SH3PXD2B: variants seen among roughly 807,000 people sequenced by gnomAD.
SH3PXD2B encodes SH3 and PX domains 2B.
In SH3PXD2B, 37 loss-of-function variants were observed where a neutral mutation model predicts 73.1. The observed-to-expected ratio is 0.51, with a 90% CI of 0.39 to 0.67. The LOEUF (loss-of-function observed/expected upper bound fraction) is 0.67, where lower values mean the gene tolerates loss of function less well. Among genes scored for constraint, SH3PXD2B ranks in the 30% least tolerant of loss-of-function variants. The probability of loss-of-function intolerance (pLI) is 0.00; values close to 1 mark genes in which losing one functional copy is unlikely to be tolerated. For missense variants in SH3PXD2B, 1,053 were observed against 1,197.8 expected, an observed-to-expected ratio of 0.88 and a Z score of 1.78; for synonymous variants, 457 against 480.5, an observed-to-expected ratio of 0.95 and a Z score of 0.64.
chr5:172,418,507 T>G (rs1237945697), intron 2 of SH3PXD2B, among the ~76,000 whole-genome samples: 1 of 152,120 alleles, frequency 6.6e-6, no homozygotes, highest in East Asian at 1.9e-4. Context: ...CCAAGTTACT[T>G]CTGAAAATAC....
intron 4 of SH3PXD2B, among the ~76,000 whole-genome samples, chr5:172,386,617 A>ATTTGT (rs796424182): frequency 1.7e-4 from 26 of 151,292 alleles, no homozygotes; most frequent in African/African-American, 5.3e-4. Context: ...CATGATACCC[A>ATTTGT]TTTGTTTTGT....
intron 6 of SH3PXD2B, 38 bp from the exon 7 acceptor site, chr5:172,362,907 T>G (rs199525814): frequency 6.2e-7 from 1 of 1,613,390 alleles, no homozygotes; most frequent in South Asian, 1.1e-5. Context: ...TGGCCACCAC[T>G]CATGCATGAA....
chr5:172,380,661 T>A (rs1757923463), intron 5 of SH3PXD2B, among the ~76,000 whole-genome samples: 1 of 152,238 alleles, frequency 6.6e-6, no homozygotes, highest in Non-Finnish European at 1.5e-5. Context: ...TTATTCTGTA[T>A]CTTTATGATT....
chr5:172,329,747 C>T (rs920420791), downstream of SH3PXD2B, among the ~76,000 whole-genome samples: 3 of 152,092 alleles, frequency 2.0e-5, no homozygotes, highest in Middle Eastern at 3.4e-3. Flanking sequence ...CTGTGTTAGC[C>T]AGGATGGTCT....
chr5:172,343,111 T>G (rs1357903275), intron 12 of SH3PXD2B, among the ~76,000 whole-genome samples: 1 of 152,156 alleles, frequency 6.6e-6, no homozygotes, highest in African/African-American at 2.4e-5. Flanking sequence ...TAAATTAGAG[T>G]GGAGGTCACT....
rs576190092 is a variant in SH3PXD2B at position 172,383,698 on chromosome 5, C to T, written c.310-1571G>A. On this transcript the variant is annotated intron_variant, in intron 4 of 12. Transcript: ENST00000311601. ...AGGTGATTCTGCCAGCCAAGCTGCC[C>T]AAGCAGTGCGTGCTCTGCATGAGGC... Among the ~76,000 whole-genome samples, 8 of 152,268 alleles carry T rather than the reference C, an allele frequency of 5.3e-5. No individual in the cohort carries two copies. In the South Asian group the frequency reaches 1.7e-3, roughly 32 times the overall value.
chr5:172,423,406 G>A (rs2113466376), intron 1 of SH3PXD2B, among the ~76,000 whole-genome samples: 1 of 152,310 alleles, frequency 6.6e-6, no homozygotes, highest in African/African-American at 2.4e-5. Context: ...GCTGTTAGAA[G>A]CCCTGGGGTT....
Position 172,350,898 on chromosome 5 carries a change from G to T in SH3PXD2B, c.786-309C>A, listed in dbSNP as rs144147623. On this transcript the variant is annotated intron_variant, in intron 9 of 12. Coordinates refer to ENST00000311601, the MANE Select transcript of SH3PXD2B (RefSeq NM_001017995.3). ...TGTGCTTTGCTGCCTCTTCCCAGCA[G>T]CCCCAGCTCTGGGGCCAAAGCCTGG... Among the ~76,000 whole-genome samples the T allele has an allele frequency of 6.5e-3, 984 of 152,302 alleles. 7 individuals carry two copies. Among genetic ancestry groups the T allele is most frequent in the Middle Eastern group, 0.014 (4 of 294 alleles).
chr5:172,397,224 C>T (rs1375550718), intron 3 of SH3PXD2B, among the ~76,000 whole-genome samples: 3 of 152,188 alleles, frequency 2.0e-5, no homozygotes, highest in Non-Finnish European at 4.4e-5. Context: ...TCCTGTAGCG[C>T]TCCCAGTCCT....
chr5:172,331,522 T>C (rs969636499), downstream of SH3PXD2B, among the ~76,000 whole-genome samples: 7 of 152,148 alleles, frequency 4.6e-5, no homozygotes, highest in South Asian at 6.2e-4. Context: ...AGAGAAGGAA[T>C]GGACATTGAA....
chr5:172,342,913 C>T (rs1285381298), intron 12 of SH3PXD2B, among the ~76,000 whole-genome samples: 2 of 152,204 alleles, frequency 1.3e-5, no homozygotes, highest in African/African-American at 4.8e-5. Flanking sequence ...GGCTCCTGGG[C>T]CTGCAGTCCT....
intron 7 of SH3PXD2B, among the ~76,000 whole-genome samples, 158 bp from the exon 8 acceptor site, chr5:172,359,035 A>C (rs1757343329): frequency 6.6e-6 from 1 of 152,196 alleles, no homozygotes; most frequent in Non-Finnish European, 1.5e-5. Context: ...GTTACCTGCT[A>C]ACTGCTAAAA....
rs1410861721 is a variant in SH3PXD2B, at chr5:172,339,657, G to A, written c.1448C>T (p.Pro483Leu). The A allele has an allele frequency of 1.2e-6, 2 of 1,614,110 alleles. No homozygotes were observed. Among genetic ancestry groups the A allele is most frequent in the African/African-American group, 2.7e-5 (2 of 74,942 alleles). Reference sequence around the variant, plus strand: ...ACTGCCCTTCCAGTCTTTAGACCATGGCAACCCCGAGTCCATGACACCATG... The same window carrying A: ...ACTGCCCTTCCAGTCTTTAGACCATAGCAACCCCGAGTCCATGACACCATG... The part of the protein sequence containing the change: ...APHGVMDSGL[P>L]WSKDWKGSKD... The change falls in exon 13 of 13, where the codon CCA (proline) becomes CTA (leucine). Residue 483 changes from proline (P) to leucine (L), a missense_variant. Physicochemically the swap from Pro to Leu is moderately conservative, Grantham distance 98. Coordinates refer to ENST00000311601, the MANE Select transcript of SH3PXD2B (RefSeq NM_001017995.3). The surrounding 1 kb of genome is among the most constrained non-coding windows in gnomAD (Gnocchi z 6.1).
intron 3 of SH3PXD2B, among the ~76,000 whole-genome samples, chr5:172,403,619 T>C (rs909184850): frequency 1.1e-4 from 16 of 152,230 alleles, no homozygotes; most frequent in African/African-American, 3.9e-4. Context: ...TTTTAAGAGC[T>C]TGGGAGAGGG....
chr5:172,443,571 T>G (rs1759595503), intron 1 of SH3PXD2B, among the ~76,000 whole-genome samples: 1 of 152,236 alleles, frequency 6.6e-6, no homozygotes, highest in African/African-American at 2.4e-5. Flanking sequence ...TGGTGACCTC[T>G]GTGAGGACAA....
intron 7 of SH3PXD2B, among the ~76,000 whole-genome samples, chr5:172,360,692 C>T (rs1285630099): frequency 6.6e-6 from 1 of 152,082 alleles, no homozygotes; most frequent in Non-Finnish European, 1.5e-5. Flanking sequence ...CTTGACCAGG[C>T]ATGGTGGCAT....
Position 172,368,133 on chromosome 5 carries a change from T to A in SH3PXD2B, c.428-5264A>T, listed in dbSNP as rs182005840. Among the ~76,000 whole-genome samples the A allele has an allele frequency of 2.3e-3, 346 of 152,180 alleles. 2 individuals carry two copies. The highest frequency in any genetic ancestry group is 0.021 in the Admixed American group (313 of 15,260). ...ACTGCAGGGAATTTTGCATTTGCTGTTCCCTCTGCTAGGGACAGTCTTCTC... is the reference window on the plus strand; with the variant it reads ...ACTGCAGGGAATTTTGCATTTGCTGATCCCTCTGCTAGGGACAGTCTTCTC... On this transcript the variant is annotated intron_variant, in intron 6 of 12. Transcript: ENST00000311601.
At chr5:172,393,266 A>C (rs1758228650) in intron 4 of SH3PXD2B, among the ~76,000 whole-genome samples, 1 of 152,076 alleles carries the variant, frequency 6.6e-6, no homozygotes, top group Non-Finnish European at 1.5e-5. Context: ...TAAACCCTGC[A>C]CTTCTTTTGT....
chr5:172,440,726 G>C (rs113215487), intron 1 of SH3PXD2B, among the ~76,000 whole-genome samples: 1 of 152,258 alleles, frequency 6.6e-6, no homozygotes, highest in South Asian at 2.1e-4. Flanking sequence ...TTCCAGCTGC[G>C]AGGCAAGGCC....
Sources: gnomAD v4.1 joint callset for allele counts (sites outside exome capture counted in the v4.1 genomes callset) on GRCh38, gnomAD v4.1.1 for gene constraint, Gnocchi (gnomAD v3.1) non-coding constraint, MANE v1.5 for transcripts, NCBI Gene and HGNC (gene_info 2026-07-23, HGNC 2026-07-21) for gene names.